Variants in ZNF277 observed in about 807,000 individuals in gnomAD.
ZNF277 encodes the protein nuclear receptor-interacting factor 4.
Under a neutral mutation model 60.7 loss-of-function variants are expected in ZNF277, and 55 were observed. The ratio of observed to expected loss-of-function variants is 0.91; its 90% confidence interval spans 0.73 to 1.13. The LOEUF (loss-of-function observed/expected upper bound fraction) is 1.13. Among genes scored for constraint, ZNF277 ranks in the 50% most tolerant of loss-of-function variants. The probability of loss-of-function intolerance (pLI) is 0.00; values close to 1 mark genes in which losing one functional copy is unlikely to be tolerated. For missense variants in ZNF277, 510 were observed against 523.0 expected, an observed-to-expected ratio of 0.98 and a Z score of 0.24; for synonymous variants, 178 against 179.3, an observed-to-expected ratio of 0.99 and a Z score of 0.06.
chr7:112,225,079 A>G (rs973339757), intron 1 of ZNF277, among the ~76,000 whole-genome samples: 3 of 152,228 alleles, frequency 2.0e-5, no homozygotes, highest in Non-Finnish European at 2.9e-5. Flanking sequence ...TTAAGAGCTC[A>G]ATTACTGGAA....
chr7:112,294,135 A>G (rs1422649539), intron 2 of ZNF277, among the ~76,000 whole-genome samples: 2 of 152,182 alleles, frequency 1.3e-5, no homozygotes, highest in Admixed American at 1.3e-4. Context: ...AGGACTAGGA[A>G]TGTCATTTTT....
chr7:112,289,151 A>G (rs1258301146), intron 2 of ZNF277, among the ~76,000 whole-genome samples: 2 of 152,166 alleles, frequency 1.3e-5, no homozygotes, highest in Admixed American at 6.5e-5. Context: ...TAAAAACCTA[A>G]TTATCATTTG....
intron 2 of ZNF277, among the ~76,000 whole-genome samples, chr7:112,294,873 A>G (rs985639100): frequency 3.3e-5 from 5 of 152,238 alleles, no homozygotes; most frequent in African/African-American, 1.2e-4. Context: ...CAAATTCTCT[A>G]CTTCTTTAAA....
At chr7:112,334,959 C>T (rs1400881530) in intron 7 of ZNF277, among the ~76,000 whole-genome samples, 1 of 152,074 alleles carries the variant, frequency 6.6e-6, no homozygotes, top group Non-Finnish European at 1.5e-5. Flanking sequence ...TCCAAATTAA[C>T]CATCTCTAAT....
intron 1 of ZNF277, among the ~76,000 whole-genome samples, chr7:112,252,960 C>T (rs76960605): frequency 0.042 from 6,429 of 152,170 alleles, 178 homozygotes; most frequent in East Asian, 0.12. Flanking sequence ...GGCTTTTGTC[C>T]TTGAGAAAGT....
chr7:112,258,924 T>G (rs918401784), intron 1 of ZNF277, among the ~76,000 whole-genome samples: 11 of 152,126 alleles, frequency 7.2e-5, no homozygotes, highest in African/African-American at 2.7e-4. Flanking sequence ...AATGTCCCCC[T>G]TTCCATGTTA....
At position 112,336,191 on chromosome 7, in the gene ZNF277, CTAAT is replaced by C; in HGVS notation, c.869+26_869+29del. On this transcript the variant is annotated intron_variant, in intron 8 of 11. Coordinates refer to ENST00000361822, the MANE Select transcript of ZNF277 (RefSeq NM_021994.3). Reference sequence around the variant, plus strand: ...GGAAGAGTAAGAGTTGTTATTGCTGCTAATTAATTGCAGTGTTCCAAGAGTAAGA... The same window carrying C: ...GGAAGAGTAAGAGTTGTTATTGCTGCTAATTGCAGTGTTCCAAGAGTAAGA... 6.3e-7 allele frequency: 1 copy of C among 1,596,492 alleles called. No homozygotes were observed. The highest frequency in any genetic ancestry group is 8.6e-7 in the Non-Finnish European group (1 of 1,169,322).
At chr7:112,245,752 G>T (rs1190852309) in intron 1 of ZNF277, among the ~76,000 whole-genome samples, 1 of 152,050 alleles carries the variant, frequency 6.6e-6, no homozygotes, top group Non-Finnish European at 1.5e-5. Flanking sequence ...CTTTTTGTAA[G>T]GATATCAGTC....
At chr7:112,302,415 A>T (rs1792496999) in intron 4 of ZNF277, among the ~76,000 whole-genome samples, 1 of 152,098 alleles carries the variant, frequency 6.6e-6, no homozygotes, top group Non-Finnish European at 1.5e-5. Context: ...AAATCAATTT[A>T]TATTTATACT....
intron 4 of ZNF277, among the ~76,000 whole-genome samples, chr7:112,314,417 A>G (rs879515794): frequency 5.9e-5 from 9 of 152,126 alleles, no homozygotes; most frequent in Non-Finnish European, 8.8e-5. Context: ...AATAATACAC[A>G]ACTAAATAGT....
intron 5 of ZNF277, among the ~76,000 whole-genome samples, chr7:112,326,318 A>G (rs529036168): frequency 2.6e-5 from 4 of 151,926 alleles, no homozygotes; most frequent in Non-Finnish European, 5.9e-5. Context: ...TTACCCCAAC[A>G]TGGCCTCGGG....
intron 1 of ZNF277, among the ~76,000 whole-genome samples, chr7:112,278,222 C>T (rs1297194160): frequency 6.6e-6 from 1 of 152,144 alleles, no homozygotes; most frequent in Non-Finnish European, 1.5e-5. Flanking sequence ...AGAATTTCAA[C>T]AGTATAGTCA....
At chr7:112,325,856 C>T (rs1793080837) in intron 5 of ZNF277, among the ~76,000 whole-genome samples, 1 of 152,172 alleles carries the variant, frequency 6.6e-6, no homozygotes, top group Non-Finnish European at 1.5e-5. Context: ...TCTGTTCCAC[C>T]CACATCCCTC....
At chr7:112,257,744 G>A (rs747380203) in intron 1 of ZNF277, among the ~76,000 whole-genome samples, 1 of 152,048 alleles carries the variant, frequency 6.6e-6, no homozygotes, top group African/African-American at 2.4e-5. Context: ...TTATTGAAAA[G>A]TGGAAAATCA....
chr7:112,215,726 T>A (rs1157180464), intron 1 of ZNF277, among the ~76,000 whole-genome samples: 1 of 152,256 alleles, frequency 6.6e-6, no homozygotes, highest in Non-Finnish European at 1.5e-5. Context: ...TTTCATGTTT[T>A]TTTCTTAACT....
intron 5 of ZNF277, among the ~76,000 whole-genome samples, chr7:112,318,913 G>A (rs1251616702): frequency 6.6e-6 from 1 of 152,020 alleles, no homozygotes; most frequent in African/African-American, 2.4e-5. Context: ...ATTACTTACA[G>A]AACTCAGGAA....
intron 1 of ZNF277, among the ~76,000 whole-genome samples, chr7:112,252,865 A>C (rs2117011955): frequency 6.6e-6 from 1 of 152,306 alleles, no homozygotes; most frequent in East Asian, 1.9e-4. Context: ...ACAAAGAAAC[A>C]AACCAAAGAG....
intron 1 of ZNF277, among the ~76,000 whole-genome samples, chr7:112,208,974 C>T (rs1335829952): frequency 6.6e-6 from 1 of 152,102 alleles, no homozygotes; most frequent in Non-Finnish European, 1.5e-5. Context: ...CCACCGCGCC[C>T]GGCCTATGAT....
intron 1 of ZNF277, among the ~76,000 whole-genome samples, chr7:112,244,349 A>G (rs1302322919): frequency 1.3e-5 from 2 of 152,158 alleles, no homozygotes; most frequent in East Asian, 1.9e-4. Flanking sequence ...ACAGTGACCT[A>G]TTAAGCCTAA....
Sources: gnomAD v4.1 joint callset for allele counts (sites outside exome capture counted in the v4.1 genomes callset) on GRCh38, gnomAD v4.1.1 for gene constraint, MANE v1.5 for transcripts, NCBI Gene and HGNC (gene_info 2026-07-23, HGNC 2026-07-21) for gene names.